DPH6: variants seen among roughly 807,000 people sequenced by gnomAD.
DPH6 encodes the protein diphthamine biosynthesis 6.
In DPH6, 33 loss-of-function variants were observed where a neutral mutation model predicts 38.2. That is an observed-to-expected ratio of 0.86 (90% CI 0.65 to 1.15). The LOEUF (loss-of-function observed/expected upper bound fraction) is 1.15. Ranked by LOEUF, DPH6 falls within the 50% of genes most tolerant of loss-of-function variation. DPH6 has a pLI of 0.00. For synonymous variants in DPH6, 108 were observed against 103.0 expected (o/e 1.05, Z -0.30); for missense variants, 325 against 320.0 (o/e 1.02, Z -0.12).
the DPH6 span, among the ~76,000 whole-genome samples, chr15:35,194,399 G>GAGAGAT: frequency 6.8e-6 from 1 of 147,628 alleles, no homozygotes; most frequent in Admixed American, 6.7e-5. Flanking sequence ...GAGAGAGATA[G>GAGAGAT]AGAGAGAGAG....
chr15:35,386,161 T>C (rs1379766426), intron 6 of DPH6, among the ~76,000 whole-genome samples: 1 of 152,202 alleles, frequency 6.6e-6, no homozygotes, highest in East Asian at 1.9e-4. Flanking sequence ...TCCATGTCCC[T>C]ACAAAGGACA....
At chr15:35,416,332 C>T (rs1293651157) in intron 5 of DPH6, among the ~76,000 whole-genome samples, 1 of 152,056 alleles carries the variant, frequency 6.6e-6, no homozygotes, top group East Asian at 1.9e-4. Context: ...AAGGAACTAG[C>T]AGAATGTAAG....
At chr15:35,203,792 T>A in the DPH6 span, among the ~76,000 whole-genome samples, 2 of 151,718 alleles carry the variant, frequency 1.3e-5, no homozygotes, top group Non-Finnish European at 3.0e-5. Context: ...AATTAATCTG[T>A]AGGAAAGCAC....
chr15:35,235,623 C>G (rs1035358661), intron 3 of DPH6, among the ~76,000 whole-genome samples: 4 of 152,152 alleles, frequency 2.6e-5, no homozygotes, highest in Non-Finnish European at 4.4e-5. Context: ...CTCTTCCTAC[C>G]AAAAATTCAG....
intron 1 of DPH6, among the ~76,000 whole-genome samples, chr15:35,545,805 TA>T (rs2055340391): frequency 6.6e-6 from 1 of 151,888 alleles, no homozygotes; most frequent in African/African-American, 2.4e-5. Flanking sequence ...CAGAAGTAAT[TA>T]AACCAATCCC....
intron 3 of DPH6, among the ~76,000 whole-genome samples, chr15:35,361,884 T>C (rs920172963): frequency 6.6e-6 from 1 of 151,940 alleles, no homozygotes; most frequent in African/African-American, 2.4e-5. Flanking sequence ...ACATTGAGCT[T>C]TGTAATGATT....
chr15:35,403,581 G>A (rs966825607), intron 6 of DPH6, among the ~76,000 whole-genome samples: 2 of 151,968 alleles, frequency 1.3e-5, no homozygotes, highest in Non-Finnish European at 1.5e-5. Flanking sequence ...CACAATCATG[G>A]CTCATGGCAG....
At chr15:35,347,074 CTTG>C (rs2052468070) in intron 3 of DPH6, among the ~76,000 whole-genome samples, 1 of 152,058 alleles carries the variant, frequency 6.6e-6, no homozygotes, top group African/African-American at 2.4e-5. Context: ...TTATAGGCAT[CTTG>C]TTGTGCAACA....
In DPH6 at chr15:35,436,333, G is replaced by A. The variant is rs2053703254; in HGVS notation, c.505+14352C>T. The stretch of plus-strand genomic sequence containing the variant: ...TACAAAAAATTAGCTGGGCGTGGTG[G>A]TGGGCGCCTGTACTCCCAGCTACTC... On this transcript the variant is annotated intron_variant, in intron 5 of 8. Transcript: ENST00000256538. 4.0e-5 allele frequency among the ~76,000 whole-genome samples: 6 copies of A among 151,738 alleles called. No individual in the cohort carries two copies. In the South Asian group the frequency reaches 1.3e-3, roughly 32 times the overall value.
chr15:35,189,448 T>C, the DPH6 span, among the ~76,000 whole-genome samples: 1 of 152,222 alleles, frequency 6.6e-6, no homozygotes, highest in Non-Finnish European at 1.5e-5. Context: ...TCCTCAAATA[T>C]AATCCACCTT....
At chr15:35,546,083 C>T in intron 1 of DPH6, 36 bp downstream of exon 1, 2 of 1,368,410 alleles carry the variant, frequency 1.5e-6, no homozygotes, top group Middle Eastern at 1.9e-4. Context: ...GAGAGCCTGG[C>T]CTAGGAGGAA....
chr15:35,174,848 T>C, the DPH6 span, among the ~76,000 whole-genome samples: 1 of 152,172 alleles, frequency 6.6e-6, no homozygotes, highest in Non-Finnish European at 1.5e-5. Flanking sequence ...AGGTGGGGTG[T>C]CTAATATCAT....
chr15:35,224,039 T>C (rs1385334399), intron 3 of DPH6, among the ~76,000 whole-genome samples: 2 of 151,766 alleles, frequency 1.3e-5, no homozygotes, highest in African/African-American at 2.4e-5. Context: ...TTTCAGATAA[T>C]CTTCTTTTAA....
chr15:35,371,851 A>C lies in DPH6; in HGVS notation c.*299T>G. 1 of 1,054,926 alleles carries C rather than the reference A, an allele frequency of 9.5e-7. No homozygotes were observed. The highest frequency in any genetic ancestry group is 1.1e-6 in the Non-Finnish European group (1 of 874,556). The allele number at this position is 1,054,926 out of a possible 1,614,324, so 65.3% of individuals were successfully genotyped here. A position where few individuals can be genotyped will look rare whatever the true frequency, so the allele number is the denominator to read the frequency against. ...GGAAAAGAAACTAGTGTGATAAAAA[A>C]AGAAATGCTACAGAAATGGGGTTTA... On this transcript the variant is annotated 3_prime_UTR_variant, in exon 9 of 9. Coordinates refer to ENST00000256538, the MANE Select transcript of DPH6 (RefSeq NM_080650.4).
At chr15:35,257,857 C>G (rs957935379) in intron 3 of DPH6, among the ~76,000 whole-genome samples, 1 of 150,936 alleles carries the variant, frequency 6.6e-6, no homozygotes, top group Non-Finnish European at 1.5e-5. Flanking sequence ...AAAACTTTAC[C>G]TTGATTGAGT....
chr15:35,215,100 C>T (rs188325495), downstream of DPH6, among the ~76,000 whole-genome samples: 3 of 152,148 alleles, frequency 2.0e-5, no homozygotes, highest in Non-Finnish European at 4.4e-5. Context: ...CCATTAGTGC[C>T]TTTTATGGCA....
At chr15:35,443,028 A>G (rs558885436) in intron 5 of DPH6, among the ~76,000 whole-genome samples, 7 of 152,200 alleles carry the variant, frequency 4.6e-5, no homozygotes, top group Non-Finnish European at 7.4e-5. Context: ...GGTGACATGC[A>G]TAGTGTATTA....
intron 3 of DPH6, among the ~76,000 whole-genome samples, chr15:35,457,795 T>G (rs1475177211): frequency 6.6e-6 from 1 of 152,226 alleles, no homozygotes; most frequent in Admixed American, 6.5e-5. Flanking sequence ...CAGCACCTGG[T>G]AAGCATTCAG....
intron 3 of DPH6, among the ~76,000 whole-genome samples, chr15:35,496,567 A>AAAAAAAAAAAAAAAAAAAAAAAAAAT: frequency 3.2e-5 from 1 of 31,016 alleles, no homozygotes; most frequent in African/African-American, 1.4e-4. Context: ...AAAAAAAAAA[A>AAAAAAAAAAAAAAAAAAAAAAAAAAT]ATATATATAT....
Sources: allele counts gnomAD v4.1 joint callset (sites outside exome capture counted in the v4.1 genomes callset), GRCh38; gene constraint gnomAD v4.1.1; transcripts MANE v1.5; gene names NCBI Gene and HGNC (gene_info 2026-07-23, HGNC 2026-07-21).